Variants in ADCK1 observed in about 807,000 individuals in gnomAD.
ADCK1 encodes aarF domain containing kinase 1, also known as aarF domain-containing protein kinase 1.
A neutral mutation model predicts 52.3 loss-of-function variants in ADCK1; 41 were observed. The ratio of observed to expected loss-of-function variants is 0.78; its 90% CI spans 0.61 to 1.02. The LOEUF (loss-of-function observed/expected upper bound fraction) is 1.02, where lower values mean the gene tolerates loss of function less well. Among genes scored for constraint, ADCK1 ranks in the 50% least tolerant of loss-of-function variants. ADCK1 has a pLI of 0.00. For missense variants in ADCK1, 658 were observed against 679.5 expected, an observed-to-expected ratio of 0.97 and a Z score of 0.35; for synonymous variants, 250 against 274.6, an observed-to-expected ratio of 0.91 and a Z score of 0.89.
At chr14:77,917,620 C>T (rs2083955013) in intron 7 of ADCK1, among the ~76,000 whole-genome samples, 1 of 152,086 alleles carries the variant, frequency 6.6e-6, no homozygotes, top group African/African-American at 2.4e-5. Context: ...TTTTCCCCTC[C>T]CTACTGTTAG....
chr14:77,899,287 G>A (rs1408144221), intron 6 of ADCK1, 29 bp downstream of exon 6: 1 of 1,612,620 alleles, frequency 6.2e-7, no homozygotes, highest in Admixed American at 1.7e-5. Flanking sequence ...TGCAGGGTAT[G>A]GTGGTCTGGT....
At chr14:77,871,090 C>T (rs1015683638) in intron 4 of ADCK1, among the ~76,000 whole-genome samples, 2 of 152,194 alleles carry the variant, frequency 1.3e-5, no homozygotes, top group South Asian at 2.1e-4. Context: ...GGAATACATG[C>T]TTGTCTTAGT....
intron 1 of ADCK1, among the ~76,000 whole-genome samples, chr14:77,815,300 G>A (rs534926509): frequency 6.7e-5 from 10 of 150,262 alleles, no homozygotes; most frequent in Middle Eastern, 3.4e-3. Flanking sequence ...AGACCTCCTA[G>A]GCTCAAGGGA....
chr14:77,877,290 C>T (rs558632488), intron 4 of ADCK1, among the ~76,000 whole-genome samples: 4 of 152,362 alleles, frequency 2.6e-5, no homozygotes, highest in South Asian at 4.1e-4. Context: ...AGCTTAGGCA[C>T]ATTTGCTGTG....
chr14:77,819,514 C>G (rs1339327224), intron 2 of ADCK1, among the ~76,000 whole-genome samples: 1 of 152,210 alleles, frequency 6.6e-6, no homozygotes, highest in African/African-American at 2.4e-5. Flanking sequence ...CTAGAAAACT[C>G]AATCCCTCTC....
chr14:77,854,296 G>GT (rs2082371178), intron 3 of ADCK1, among the ~76,000 whole-genome samples: 1 of 152,132 alleles, frequency 6.6e-6, no homozygotes, highest in African/African-American at 2.4e-5. Flanking sequence ...AGAGGCAGTT[G>GT]TAATCAGCAA....
At chr14:77,816,553 C>T (rs6574403) in intron 1 of ADCK1, among the ~76,000 whole-genome samples, 13,484 of 152,150 alleles carry the variant, frequency 0.089, 1,059 homozygotes, top group African/African-American at 0.19. Context: ...TGGAGATTTG[C>T]GGAGTGTGGT....
intron 2 of ADCK1, among the ~76,000 whole-genome samples, chr14:77,820,709 G>A (rs1026545353): frequency 8.7e-5 from 13 of 149,972 alleles, no homozygotes; most frequent in South Asian, 2.1e-4. Context: ...ACAGTAATAG[G>A]TTAAAAAACA....
At chr14:77,886,553 C>T (rs964119555) in intron 4 of ADCK1, among the ~76,000 whole-genome samples, 6 of 152,152 alleles carry the variant, frequency 3.9e-5, no homozygotes, top group Non-Finnish European at 7.4e-5. Flanking sequence ...TGTCCCCCTT[C>T]CTCTGTATGC....
At chr14:77,800,392 GC>G (rs978985415) in intron 1 of ADCK1, among the ~76,000 whole-genome samples, 4 of 152,204 alleles carry the variant, frequency 2.6e-5, no homozygotes, top group African/African-American at 9.6e-5. Context: ...GCATTGCCCC[GC>G]CCCCCTGCAG....
chr14:77,805,570 C>T (rs1240438120), intron 1 of ADCK1, among the ~76,000 whole-genome samples: 1 of 152,074 alleles, frequency 6.6e-6, no homozygotes, highest in Non-Finnish European at 1.5e-5. Flanking sequence ...CCAAAAATTA[C>T]TCTTATATGG....
intron 1 of ADCK1, among the ~76,000 whole-genome samples, chr14:77,807,508 A>AT (rs35510266): frequency 0.023 from 3,009 of 130,300 alleles, 93 homozygotes; most frequent in African/African-American, 0.07. Context: ...CGCCCAGCTA[A>AT]TTTTTTTTTT....
At chr14:77,869,705 G>A (rs1412479711) in intron 4 of ADCK1, among the ~76,000 whole-genome samples, 1 of 152,190 alleles carries the variant, frequency 6.6e-6, no homozygotes, top group Non-Finnish European at 1.5e-5. Flanking sequence ...TTACATTGTA[G>A]TTAGGGTTGG....
At chr14:77,892,083 T>C (rs1324286414) in intron 5 of ADCK1, among the ~76,000 whole-genome samples, 1 of 152,146 alleles carries the variant, frequency 6.6e-6, no homozygotes, top group African/African-American at 2.4e-5. Flanking sequence ...ACTCCAGGTG[T>C]GGTGTGCCCT....
chr14:77,921,314 G>A (rs376332539), intron 7 of ADCK1, among the ~76,000 whole-genome samples: 1 of 46,878 alleles, frequency 2.1e-5, no homozygotes, highest in Non-Finnish European at 4.3e-5. Context: ...GCGACAGAGT[G>A]AGACTCTGTC....
intron 1 of ADCK1, among the ~76,000 whole-genome samples, chr14:77,801,380 G>A (rs1445337827): frequency 1.3e-5 from 2 of 152,148 alleles, no homozygotes; most frequent in Non-Finnish European, 2.9e-5. Context: ...TTATTTGCCA[G>A]TTTTACTTTT....
At chr14:77,847,892 A>T (rs78379907) in intron 3 of ADCK1, among the ~76,000 whole-genome samples, 1,722 of 152,244 alleles carry the variant, frequency 0.011, 32 homozygotes, top group African/African-American at 0.04. Flanking sequence ...TTACTGGAAC[A>T]GTTCCCGGGA....
chr14:77,802,453 C>A (rs2081130470), intron 1 of ADCK1, among the ~76,000 whole-genome samples: 1 of 151,912 alleles, frequency 6.6e-6, no homozygotes, highest in African/African-American at 2.4e-5. Context: ...GTCAGGGATT[C>A]CTTTTTTTAT....
At chr14:77,860,116 T>G (rs1041673898) in intron 4 of ADCK1, among the ~76,000 whole-genome samples, 1 of 152,356 alleles carries the variant, frequency 6.6e-6, no homozygotes, top group Admixed American at 6.5e-5. Context: ...CTAGGAAGTC[T>G]TCTGTGACCC....
Sources: allele counts gnomAD v4.1 joint callset (sites outside exome capture counted in the v4.1 genomes callset), GRCh38; gene constraint gnomAD v4.1.1; transcripts MANE v1.5; gene names NCBI Gene and HGNC (gene_info 2026-07-23, HGNC 2026-07-21).